The following COL2A1 variants were observed in gnomAD, a reference collection of about 807,000 sequenced individuals.
The protein encoded by COL2A1 is collagen alpha-1(II) chain.
In COL2A1, 28 loss-of-function variants were observed where a neutral mutation model predicts 204.5. That is an observed-to-expected ratio of 0.14 (90% CI 0.10 to 0.19). The LOEUF is 0.19. Among genes scored for constraint, COL2A1 ranks in the 10% least tolerant of loss-of-function variants. COL2A1 has a pLI of 1.00. For synonymous variants in COL2A1, 708 were observed against 718.7 expected (o/e 0.99, Z 0.24); for missense variants, 1,388 against 2,027.5 (o/e 0.68, Z 6.06).
intron 16 of COL2A1, among the ~76,000 whole-genome samples, chr12:47,991,619 TAC>T (rs1939712258): frequency 6.6e-6 from 1 of 152,120 alleles, no homozygotes; most frequent in South Asian, 2.1e-4. Flanking sequence ...AGCCAAATCC[TAC>T]ACACGCTGCC....
In COL2A1 at chr12:47,975,433, G is replaced by T. The variant is rs1169999705; in HGVS notation, c.3770C>A (p.Ala1257Asp). 3.1e-6 allele frequency: 5 copies of T among 1,614,150 alleles called. No homozygotes were observed. The highest frequency in any genetic ancestry group is 4.2e-6 in the Non-Finnish European group (5 of 1,180,032). The change falls in exon 51 of 54, where the codon GCC becomes GAC. Residue 1257 changes from alanine to aspartate, a missense_variant. Around this residue, in one of 3 missense-constraint regions of COL2A1, gnomAD observed 303 missense variants for 369.2 expected, o/e 0.82. Coordinates refer to ENST00000380518, the MANE Select transcript of COL2A1 (RefSeq NM_001844.5). ...GLRQHDAEVD[A>D]TLKSLNNQIE... The stretch of plus-strand genomic sequence containing the variant: ...CTGGTTGTTGAGGGACTTGAGTGTG[G>T]CATCCACCTCGGCGTCATGCTGTCT...
chr12:47,989,685 C>G, intron 17 of COL2A1, 76 bp downstream of exon 17: 1 of 1,328,462 alleles, frequency 7.5e-7, no homozygotes, highest in Non-Finnish European at 1.1e-6. Context: ...CCAATACACC[C>G]TGCAGACTGC....
chr12:47,990,511 T>G (rs1480242485), intron 16 of COL2A1, among the ~76,000 whole-genome samples: 2 of 152,212 alleles, frequency 1.3e-5, no homozygotes, highest in Non-Finnish European at 1.5e-5. Context: ...GGTTAACCTC[T>G]GTGGTTAAGG....
chr12:47,998,520 A>C, intron 2 of COL2A1, 89 bp from the exon 3 acceptor site: 3 of 1,350,046 alleles, frequency 2.2e-6, no homozygotes, highest in Non-Finnish European at 3.1e-6. Flanking sequence ...TCATTAGATC[A>C]AACAAGTAAA....
intron 44 of COL2A1, 75 bp from the exon 45 acceptor site, chr12:47,977,728 C>A: frequency 6.7e-7 from 1 of 1,498,496 alleles, no homozygotes; most frequent in South Asian, 1.2e-5. Flanking sequence ...CAGCCCCTCT[C>A]AGAAGCCCAG....
Position 47,973,176 on chromosome 12 carries a change from G to A in COL2A1, c.*231C>T. The A allele has an allele frequency of 1.6e-6, 1 of 638,330 alleles. No homozygotes were observed. The highest frequency in any genetic ancestry group is 1.8e-5 in the South Asian group (1 of 54,146). The allele number at this position is 638,330 out of a possible 1,614,324, so 39.5% of individuals were successfully genotyped here. ...TTCCTGCCTCTGCCTTGACCCGAAG[G>A]TCTTACAGGAAGACAATAAATAAAT... is the stretch of plus-strand genomic sequence containing the variant. On this transcript the variant is annotated 3_prime_UTR_variant, in exon 54 of 54. Coordinates refer to ENST00000380518, the MANE Select transcript of COL2A1 (RefSeq NM_001844.5).
At position 47,974,091 on chromosome 12, in the gene COL2A1, T is replaced by C. The variant is rs1938571131; in HGVS notation, c.4315A>G (p.Thr1439Ala). ...FTYTALKDGC[T>A]KHTGKWGKTV... ...TTCTCTCTGGCAGCCCCACTCACCG[T>C]GCAGCCATCCTTCAGGGCAGTGTAC... Residue 1439 changes from threonine (T) to alanine (A), a missense_variant and splice_region_variant, in exon 53 of 54, where the codon ACG (threonine) becomes GCG (alanine). Around this residue, in one of 3 missense-constraint regions of COL2A1, gnomAD observed 303 missense variants for 369.2 expected, o/e 0.82. Coordinates refer to ENST00000380518, the MANE Select transcript of COL2A1 (RefSeq NM_001844.5). The C allele has an allele frequency of 1.9e-6, 3 of 1,614,106 alleles. No individual in the cohort carries two copies. The highest frequency in any genetic ancestry group is 2.5e-6 in the Non-Finnish European group (3 of 1,180,038).
rs1565668627 is a variant in COL2A1 at position 47,976,481 on chromosome 12, G to GC, written c.3489+32dup. On this transcript the variant is annotated intron_variant, in intron 49 of 53. Coordinates refer to ENST00000380518, the MANE Select transcript of COL2A1 (RefSeq NM_001844.5). The surrounding 1 kb of genome is among the most constrained non-coding windows in gnomAD (Gnocchi z 4.3). The stretch of plus-strand genomic sequence containing the variant: ...AACACAGGCCCACACTCTCTGAAGG[G>GC]CCCCCTCCATCTTCCAACTCCATGT... The GC allele has an allele frequency of 2.5e-6, 4 of 1,610,548 alleles. No homozygotes were observed. Among genetic ancestry groups the GC allele is most frequent in the Non-Finnish European group, 3.4e-6 (4 of 1,176,830 alleles).
Position 47,978,239 on chromosome 12 carries a change from C to T in COL2A1, c.3003+52G>A, listed in dbSNP as rs1938830981. 5 of 1,604,576 alleles carry T rather than the reference C, an allele frequency of 3.1e-6. No homozygotes were observed. In the South Asian group the frequency reaches 4.4e-5, roughly 14 times the overall value. On this transcript the variant is annotated intron_variant, in intron 43 of 53. Coordinates refer to ENST00000380518, the MANE Select transcript of COL2A1 (RefSeq NM_001844.5). This position sits in a 1 kb window ranked among gnomAD's most constrained non-coding sequence, Gnocchi z 5.5. ...CTGAGGGTGCTGAGGGAGGTAGAAG[C>T]CTTGGCAGGCAGGGCCCAGCTTGGA...
At chr12:47,992,214 A>G (rs1939740721) in intron 16 of COL2A1, among the ~76,000 whole-genome samples, 1 of 152,126 alleles carries the variant, frequency 6.6e-6, no homozygotes, top group Non-Finnish European at 1.5e-5. Context: ...TCAGCTGCCA[A>G]TCCCCTCACC....
At chr12:48,002,925 G>C (rs971009811) in intron 1 of COL2A1, 1 of 152,236 alleles carries the variant, frequency 6.6e-6, no homozygotes, top group Admixed American at 6.5e-5. Flanking sequence ...TGAGCCCGCC[G>C]CCTTCCACGC....
At chr12:47,985,129 C>T (rs1479573368) in intron 26 of COL2A1, 36 bp from the exon 27 acceptor site, 20 of 1,545,872 alleles carry the variant, frequency 1.3e-5, no homozygotes, top group African/African-American at 2.7e-5. Flanking sequence ...AACATAGACA[C>T]TCTGACCACA....
At chr12:47,997,445 A>G (rs1940013858) in intron 7 of COL2A1, among the ~76,000 whole-genome samples, 161 bp downstream of exon 7, 2 of 152,234 alleles carry the variant, frequency 1.3e-5, no homozygotes, top group African/African-American at 4.8e-5. Flanking sequence ...CATGCCTAAT[A>G]TGTGACTCTT....
chr12:47,986,761 G>A, intron 22 of COL2A1, 74 bp downstream of exon 22: 1 of 1,532,860 alleles, frequency 6.5e-7, no homozygotes, highest in Non-Finnish European at 9.0e-7. Flanking sequence ...GGGAGGTGGT[G>A]GGTCAGTGGG....
Position 47,986,496 on chromosome 12 carries a change from C to T in COL2A1, c.1420-53G>A, listed in dbSNP as rs74086465. ...AGTGAGCCTTCACCTGGCCTTGGAGCAAGCCTCGACTCAGAGTATGAAGGA... is the reference window on the plus strand; with the variant it reads ...AGTGAGCCTTCACCTGGCCTTGGAGTAAGCCTCGACTCAGAGTATGAAGGA... On this transcript the variant is annotated intron_variant, in intron 22 of 53. Coordinates refer to ENST00000380518, the MANE Select transcript of COL2A1 (RefSeq NM_001844.5). 3.0e-4 allele frequency: 349 copies of T among 1,144,858 alleles called. 2 individuals are homozygous for T. In the African/African-American group the frequency reaches 5.0e-3, roughly 16 times the overall value. 70.9% of individuals were successfully genotyped at this position (1,144,858 alleles called of 1,614,324 possible).
intron 1 of COL2A1, 197 bp downstream of exon 1, chr12:48,004,040 C>T (rs1210204239): frequency 5.0e-6 from 3 of 603,892 alleles, no homozygotes; most frequent in Non-Finnish European, 9.1e-6. Flanking sequence ...GCACCGAGGA[C>T]CCTGGGACAG....
intron 1 of COL2A1, among the ~76,000 whole-genome samples, chr12:48,001,583 C>G (rs764514088): frequency 5.3e-5 from 8 of 152,300 alleles, no homozygotes; most frequent in Non-Finnish European, 7.4e-5. Context: ...AGGGGCCACT[C>G]CCCGTGCGGA....
Position 48,004,416 on chromosome 12 carries a change from G to T in COL2A1, c.-95C>A. The T allele has an allele frequency of 2.9e-6, 2 of 688,916 alleles. No homozygotes were observed. The highest frequency in any genetic ancestry group is 5.1e-6 in the Non-Finnish European group (2 of 395,392). 42.7% of individuals were successfully genotyped at this position (688,916 alleles called of 1,614,324 possible). On this transcript the variant is annotated 5_prime_UTR_variant, in exon 1 of 54. Coordinates refer to ENST00000380518, the MANE Select transcript of COL2A1 (RefSeq NM_001844.5). ...GTCCGGGTCTCTACCGCGCCCTCAT[G>T]CAGGAGGCCCTTGGAGCAGGAGGGG...
chr12:47,986,307 A>G (rs200046238), intron 23 of COL2A1, 29 bp downstream of exon 23: 3 of 1,439,288 alleles, frequency 2.1e-6, no homozygotes, highest in East Asian at 4.9e-5. Flanking sequence ...CACAGGCCCC[A>G]TGGGATGGAG....
Sources: allele counts gnomAD v4.1 joint callset (sites outside exome capture counted in the v4.1 genomes callset), GRCh38; gene constraint gnomAD v4.1.1; regional missense constraint gnomAD v4.1.1; non-coding constraint Gnocchi (gnomAD v3.1); transcripts MANE v1.5; gene names NCBI Gene and HGNC (gene_info 2026-07-23, HGNC 2026-07-21).